IL12RB1: variants seen among roughly 807,000 people sequenced by gnomAD.
The protein encoded by IL12RB1 is interleukin 12 receptor subunit beta 1, also known as interleukin-12 receptor subunit beta-1.
A neutral mutation model predicts 94.4 loss-of-function variants in IL12RB1; 64 were observed. The observed-to-expected ratio is 0.68, with a 90% confidence interval of 0.55 to 0.83. IL12RB1 has a LOEUF of 0.83. Ranked by LOEUF, IL12RB1 falls within the 40% of genes least tolerant of loss-of-function variation. The pLI is 0.00. For synonymous variants in IL12RB1, 362 were observed against 355.5 expected (o/e 1.02, Z -0.21); for missense variants, 814 against 855.6 (o/e 0.95, Z 0.61).
In IL12RB1 at chr19:18,066,641, C is replaced by G; in HGVS notation, c.1384G>C (p.Val462Leu). The change falls in exon 12 of 17, where the codon GTG becomes CTG. Residue 462 changes from valine (V) to leucine (L), a missense_variant. Transcript: ENST00000593993. Reference protein sequence around the residue: ...VSVKNHSLDSVSVDWAPSLLS... With the variant: ...VSVKNHSLDSLSVDWAPSLLS... Reference sequence around the variant, plus strand: ...AGGGATGGTGCCCAGTCCACAGACACAGAGTCCAAGCTATGATTCTTCACC... The same window carrying G: ...AGGGATGGTGCCCAGTCCACAGACAGAGAGTCCAAGCTATGATTCTTCACC... 2 of 1,612,104 alleles carry G rather than the reference C, an allele frequency of 1.2e-6. No individual in the cohort carries two copies.
At chr19:18,060,983 A>G in intron 15 of IL12RB1, 139 bp downstream of exon 15, 1 of 610,880 alleles carries the variant, frequency 1.6e-6, no homozygotes. Context: ...CCTGTCTTTA[A>G]AATGGGAAGG....
intron 11 of IL12RB1, among the ~76,000 whole-genome samples, chr19:18,067,248 C>T (rs2034648346): frequency 6.9e-6 from 1 of 144,820 alleles, no homozygotes; most frequent in Admixed American, 7.2e-5. Flanking sequence ...CGCTTGAACC[C>T]GGGATGCAGA....
intron 1 of IL12RB1, chr19:18,097,935 T>A (rs2037123231): frequency 1.1e-6 from 1 of 913,430 alleles, no homozygotes; most frequent in Non-Finnish European, 1.4e-6. Flanking sequence ...GTAGGGAAAC[T>A]GAGGCAGAGG....
intron 12 of IL12RB1, among the ~76,000 whole-genome samples, chr19:18,064,798 G>A (rs936822991): frequency 7.2e-5 from 11 of 152,096 alleles, no homozygotes; most frequent in African/African-American, 1.9e-4. Context: ...TTGGGCAGGT[G>A]GATCTGAGGT....
intron 9 of IL12RB1, 28 bp downstream of exon 9, chr19:18,072,084 T>C (rs186377631): frequency 6.1e-6 from 9 of 1,484,824 alleles, no homozygotes; most frequent in African/African-American, 1.4e-5. Context: ...GGGGCCCTCA[T>C]ACCGCCCTCC....
chr19:18,093,535 C>G (rs2036740790), intron 1 of IL12RB1, among the ~76,000 whole-genome samples: 1 of 152,026 alleles, frequency 6.6e-6, no homozygotes, highest in Admixed American at 6.6e-5. Context: ...TCTGGTGGCT[C>G]TCTCCAGCAT....
chr19:18,062,320 C>T (rs2034201304), intron 13 of IL12RB1, 43 bp from the exon 14 acceptor site: 1 of 1,263,480 alleles, frequency 7.9e-7, no homozygotes, highest in Non-Finnish European at 1.1e-6. Flanking sequence ...TACCTCCTGC[C>T]TCTTCCTCAG....
chr19:18,062,468 G>T (rs1211715066), intron 13 of IL12RB1, among the ~76,000 whole-genome samples, 191 bp from the exon 14 acceptor site: 1 of 152,192 alleles, frequency 6.6e-6, no homozygotes, highest in African/African-American at 2.4e-5. Flanking sequence ...CATGCAGGAA[G>T]TGTTCAAGAC....
At chr19:18,070,758 G>C (rs2034968543) in intron 9 of IL12RB1, 1 of 152,412 alleles carries the variant, frequency 6.6e-6, no homozygotes, top group African/African-American at 2.4e-5. Flanking sequence ...GGGCAACGTA[G>C]AGAGACACCT....
At chr19:18,077,407 T>C (rs1599530089) in intron 5 of IL12RB1, 109 bp downstream of exon 5, 4 of 823,114 alleles carry the variant, frequency 4.9e-6, no homozygotes, top group Non-Finnish European at 8.2e-6. Flanking sequence ...GGGGCTAGAG[T>C]GGGGGCTGGT....
rs1568499847 is a variant in IL12RB1 at position 18,072,219 on chromosome 19, T to C, written c.914A>G (p.Lys305Arg). 4 of 1,614,054 alleles carry C rather than the reference T, an allele frequency of 2.5e-6. No individual in the cohort carries two copies. The African/African-American group carries it at 5.3e-5, about 22-fold the overall frequency. ...AKATRTLHLG[K>R]MPYLSGAAYN... Reference sequence around the variant, plus strand: ...GGCAGCACCCGAGAGATAGGGCATCTTCCCCAGGTGCAGGGTCCTGGTGGC... The same window carrying C: ...GGCAGCACCCGAGAGATAGGGCATCCTCCCCAGGTGCAGGGTCCTGGTGGC... Residue 305 changes from lysine to arginine, a missense_variant, in exon 9 of 17, where the codon AAG becomes AGG. Transcript: ENST00000593993.
Position 18,081,009 on chromosome 19 carries a change from A to G in IL12RB1, c.240-8T>C. ...CAGCGCCCGGAGCTAAGGCTGCAGCAGGAAGGAGGGTGTCAGTGCCGAGTC... is the reference window on the plus strand; with the variant it reads ...CAGCGCCCGGAGCTAAGGCTGCAGCGGGAAGGAGGGTGTCAGTGCCGAGTC... On this transcript the variant is annotated splice_polypyrimidine_tract_variant and splice_region_variant and intron_variant, in intron 3 of 16. Coordinates refer to ENST00000593993, the MANE Select transcript of IL12RB1 (RefSeq NM_005535.3). 1 of 1,610,004 alleles carries G rather than the reference A, an allele frequency of 6.2e-7. No individual in the cohort carries two copies. Among genetic ancestry groups the G allele is most frequent in the Non-Finnish European group, 8.5e-7 (1 of 1,179,666 alleles).
chr19:18,061,201 G>A lies in IL12RB1; in HGVS notation c.1716-4C>T. ...CGGGCACAGGTGCCGTGCGGCCCTG[G>A]GGAGGAAAGGGGACCAGTGAGAGGA... On this transcript the variant is annotated splice_region_variant and splice_polypyrimidine_tract_variant and intron_variant, in intron 14 of 16. Transcript: ENST00000593993. 6.5e-7 allele frequency: 1 copy of A among 1,530,632 alleles called. No individual in the cohort carries two copies. Among genetic ancestry groups the A allele is most frequent in the Non-Finnish European group, 8.9e-7 (1 of 1,122,200 alleles). The allele number at this position is 1,530,632 out of a possible 1,614,324, so 94.8% of individuals were successfully genotyped here.
intron 7 of IL12RB1, among the ~76,000 whole-genome samples, chr19:18,074,234 A>C (rs1404170786): frequency 1.3e-5 from 2 of 150,348 alleles, no homozygotes; most frequent in African/African-American, 4.9e-5. Context: ...CTTGTCTCAA[A>C]CTCCTGGCCT....
Position 18,066,164 on chromosome 19 carries a change from C to T in IL12RB1, c.1483+378G>A, listed in dbSNP as rs12979598. Among the ~76,000 whole-genome samples the T allele has an allele frequency of 2.0e-5, 3 of 151,712 alleles. No homozygotes were observed. The South Asian group carries it at 6.2e-4, about 32-fold the overall frequency. On this transcript the variant is annotated intron_variant, in intron 12 of 16. Transcript: ENST00000593993. ...ACTCTGTCACCCAGGCTGGAGTGCA[C>T]TGGTACAATCTCGGCTCACTGCAAT...
intron 13 of IL12RB1, among the ~76,000 whole-genome samples, 151 bp from the exon 14 acceptor site, chr19:18,062,428 C>G (rs1420085930): frequency 6.6e-6 from 1 of 152,158 alleles, no homozygotes; most frequent in Non-Finnish European, 1.5e-5. Context: ...AACCCACCTG[C>G]CCGGTAGCTG....
Position 18,062,133 on chromosome 19 carries a change from C to T in IL12RB1, c.1715+48G>A, listed in dbSNP as rs1475220440. 6 of 1,289,894 alleles carry T rather than the reference C, an allele frequency of 4.7e-6. No individual in the cohort carries two copies. The South Asian group carries it at 7.1e-5, about 15-fold the overall frequency. The allele number at this position is 1,289,894 out of a possible 1,614,324, so 79.9% of individuals were successfully genotyped here. A position where few individuals can be genotyped will look rare whatever the true frequency, so the allele number is the denominator to read the frequency against. On this transcript the variant is annotated intron_variant, in intron 14 of 16. Coordinates refer to ENST00000593993, the MANE Select transcript of IL12RB1 (RefSeq NM_005535.3). The stretch of plus-strand genomic sequence containing the variant: ...TAAGCTCCACTTTAGGGCTCCCCTG[C>T]CCAGCATCATTACCATCGCTATGGT...
In IL12RB1 at chr19:18,086,648, A is replaced by G. The variant is rs2036361343; in HGVS notation, c.64+112T>C. 25 of 994,060 alleles carry G rather than the reference A, an allele frequency of 2.5e-5. No homozygotes were observed. In the South Asian group the frequency reaches 3.9e-4, roughly 16 times the overall value. 61.6% of individuals were successfully genotyped at this position (994,060 alleles called of 1,614,324 possible). A position where few individuals can be genotyped will look rare whatever the true frequency, so the allele number is the denominator to read the frequency against. On this transcript the variant is annotated intron_variant, in intron 1 of 16. Transcript: ENST00000593993. ...CATCTCCCATTTGACAGCAGGAAAG[A>G]CTGAGGCACAGAGAGATGAAACCAA...
At chr19:18,071,386 T>C (rs1344094900) in intron 9 of IL12RB1, 13 of 964,788 alleles carry the variant, frequency 1.3e-5, no homozygotes, top group Non-Finnish European at 1.9e-5. Context: ...GGGTCAACTC[T>C]AGCCTTTTTT....
Sources: allele counts gnomAD v4.1 joint callset (sites outside exome capture counted in the v4.1 genomes callset), GRCh38; gene constraint gnomAD v4.1.1; transcripts MANE v1.5; gene names NCBI Gene and HGNC (gene_info 2026-07-23, HGNC 2026-07-21).